The following BCAS3 variants were observed in gnomAD, a reference collection of about 807,000 sequenced individuals.
BCAS3 encodes the protein BCAS4/BCAS3 fusion.
A neutral mutation model predicts 116.1 loss-of-function variants in BCAS3; 53 were observed. The ratio of observed to expected loss-of-function variants is 0.46; its 90% CI spans 0.37 to 0.57. The LOEUF is 0.57. Ranked by LOEUF, BCAS3 falls within the 20% of genes least tolerant of loss-of-function variation. The pLI, the probability that BCAS3 is intolerant of heterozygous loss-of-function variation, is 0.00. For missense variants in BCAS3, 917 were observed against 1,165.4 expected, an observed-to-expected ratio of 0.79 and a Z score of 3.10; for synonymous variants, 391 against 408.2, an observed-to-expected ratio of 0.96 and a Z score of 0.51.
intron 12 of BCAS3, among the ~76,000 whole-genome samples, chr17:60,916,636 G>A (rs2058792683): frequency 6.6e-6 from 1 of 152,196 alleles, no homozygotes. Flanking sequence ...ATCATCTGAT[G>A]TGTGTTGACC....
At chr17:61,310,540 T>A (rs1450282574) in intron 22 of BCAS3, among the ~76,000 whole-genome samples, 3 of 136,634 alleles carry the variant, frequency 2.2e-5, no homozygotes, top group Admixed American at 7.6e-5. Context: ...GGCGACAGAG[T>A]GAGACTCTGT....
At chr17:61,071,582 T>C (rs113199339) in intron 19 of BCAS3, among the ~76,000 whole-genome samples, 1 of 152,170 alleles carries the variant, frequency 6.6e-6, no homozygotes, top group Non-Finnish European at 1.5e-5. Context: ...GAGGACCACA[T>C]TTGGAGGAAC....
At position 61,158,802 on chromosome 17, in the gene BCAS3, A is replaced by T. The variant is rs904706604; in HGVS notation, c.2425+74238A>T. ...ATTTAAAATAAAGGTCTTTAAAGATACTAACCGAAATGCAAAAATTAGCAG... is the reference window on the plus strand; with the variant it reads ...ATTTAAAATAAAGGTCTTTAAAGATTCTAACCGAAATGCAAAAATTAGCAG... On this transcript the variant is annotated intron_variant, in intron 22 of 23. Coordinates refer to ENST00000407086, the MANE Select transcript of BCAS3 (RefSeq NM_017679.5). 3.3e-5 allele frequency among the ~76,000 whole-genome samples: 5 copies of T among 152,232 alleles called. No homozygotes were observed. The East Asian group carries it at 9.6e-4, about 29-fold the overall frequency.
intron 11 of BCAS3, among the ~76,000 whole-genome samples, chr17:60,906,705 CT>C (rs1222366449): frequency 5.9e-5 from 9 of 152,220 alleles, no homozygotes; most frequent in Middle Eastern, 3.4e-3. Flanking sequence ...CCTAGTTGTT[CT>C]CATTAGTGGA....
intron 22 of BCAS3, among the ~76,000 whole-genome samples, chr17:61,273,090 G>A (rs2144638129): frequency 6.6e-6 from 1 of 151,488 alleles, no homozygotes; most frequent in South Asian, 2.1e-4. Context: ...GTCTAAAAAT[G>A]TCTGTTTTGC....
intron 14 of BCAS3, among the ~76,000 whole-genome samples, chr17:60,985,919 T>C (rs1345569447): frequency 3.3e-5 from 5 of 152,332 alleles, no homozygotes; most frequent in Middle Eastern, 3.4e-3. Flanking sequence ...GTATTTTTAG[T>C]AGAAACAGGG....
At chr17:61,242,695 C>T (rs1187991142) in intron 22 of BCAS3, among the ~76,000 whole-genome samples, 1 of 152,124 alleles carries the variant, frequency 6.6e-6, no homozygotes, top group Admixed American at 6.5e-5. Flanking sequence ...ACCAGTCAGC[C>T]TTGTTTTTGC....
chr17:60,775,040 A>C (rs961676229), intron 6 of BCAS3, among the ~76,000 whole-genome samples: 1 of 152,242 alleles, frequency 6.6e-6, no homozygotes, highest in African/African-American at 2.4e-5. Context: ...ATGTAGTAAA[A>C]GTCCTATGTG....
At position 61,365,274 on chromosome 17, in the gene BCAS3, C is replaced by T. The variant is rs1017848617; in HGVS notation, c.2426-3053C>T. 1.3e-5 allele frequency among the ~76,000 whole-genome samples: 2 copies of T among 152,174 alleles called. No homozygotes were observed. The highest frequency in any genetic ancestry group is 1.3e-4 in the Admixed American group (2 of 15,278). The stretch of plus-strand genomic sequence containing the variant: ...CATATTCCTCTGGCCTTTACCATCT[C>T]TTATGGACTGGGCCCAACATCTTAC... On this transcript the variant is annotated intron_variant, in intron 22 of 23. Coordinates refer to ENST00000407086, the MANE Select transcript of BCAS3 (RefSeq NM_017679.5). The surrounding 1 kb of genome is among the most constrained non-coding windows in gnomAD (Gnocchi z 4.6).
rs2066491493 is a variant in BCAS3, at chr17:61,029,665, G to A, written c.1638-5001G>A. On this transcript the variant is annotated intron_variant, in intron 16 of 23. Transcript: ENST00000407086. This position sits in a 1 kb window ranked among gnomAD's most constrained non-coding sequence, Gnocchi z 5.2. The stretch of plus-strand genomic sequence containing the variant: ...TGCTTATCAAAAAACATACATGACA[G>A]GTAGACAATGGGTAGTCCATATAAG... Among the ~76,000 whole-genome samples the A allele has an allele frequency of 6.6e-6, 1 of 151,782 alleles. No homozygotes were observed. Among genetic ancestry groups the A allele is most frequent in the Non-Finnish European group, 1.5e-5 (1 of 67,862 alleles).
chr17:60,968,600 C>G (rs1023948261), intron 14 of BCAS3, among the ~76,000 whole-genome samples: 4 of 152,084 alleles, frequency 2.6e-5, no homozygotes, highest in African/African-American at 9.7e-5. Flanking sequence ...ACCTAAAGCC[C>G]AGGTTCACCT....
At chr17:60,957,061 C>T (rs7210558) in intron 14 of BCAS3, among the ~76,000 whole-genome samples, 3,163 of 152,220 alleles carry the variant, frequency 0.021, 114 homozygotes, top group African/African-American at 0.07. Flanking sequence ...CCTCGTAAAG[C>T]ACATATGCAG....
At chr17:60,785,995 T>C (rs1415995668) in intron 6 of BCAS3, among the ~76,000 whole-genome samples, 3 of 152,196 alleles carry the variant, frequency 2.0e-5, no homozygotes, top group Admixed American at 2.0e-4. Context: ...CACAGGAGGA[T>C]GTGCATAGGT....
intron 15 of BCAS3, chr17:61,003,982 C>G (rs1311934805): frequency 6.6e-6 from 1 of 152,094 alleles, no homozygotes; most frequent in African/African-American, 2.4e-5. Flanking sequence ...AGAAATTCTT[C>G]TATCCTCTGT....
intron 22 of BCAS3, among the ~76,000 whole-genome samples, chr17:61,209,182 GAAA>G (rs11296492): frequency 1.4e-5 from 2 of 140,898 alleles, no homozygotes; most frequent in Non-Finnish European, 1.5e-5. Flanking sequence ...AACAGCTAGT[GAAA>G]AAAAAAAAAA....
In BCAS3 at chr17:61,032,568, A is replaced by T. The variant is rs1002214074; in HGVS notation, c.1638-2098A>T. Among the ~76,000 whole-genome samples the T allele has an allele frequency of 1.3e-5, 2 of 152,198 alleles. No individual in the cohort carries two copies. Among genetic ancestry groups the T allele is most frequent in the African/African-American group, 4.8e-5 (2 of 41,448 alleles). ...ATTCTCAGGTAATGCAACAGAGAGCATCATAACCAGAAAGAACAATTCTGA... is the reference window on the plus strand; with the variant it reads ...ATTCTCAGGTAATGCAACAGAGAGCTTCATAACCAGAAAGAACAATTCTGA... On this transcript the variant is annotated intron_variant, in intron 16 of 23. Coordinates refer to ENST00000407086, the MANE Select transcript of BCAS3 (RefSeq NM_017679.5). This position sits in a 1 kb window ranked among gnomAD's most constrained non-coding sequence, Gnocchi z 4.6.
rs566914795 is a variant in BCAS3 at position 60,892,644 on chromosome 17, G to A, written c.738+2873G>A. 6.7e-5 allele frequency among the ~76,000 whole-genome samples: 10 copies of A among 148,708 alleles called. No homozygotes were observed. In the South Asian group the frequency reaches 1.4e-3, roughly 21 times the overall value. On this transcript the variant is annotated intron_variant, in intron 10 of 23. Transcript: ENST00000407086. ...TTTTAAGAATAGCCGTTTTCGGCCCGGCATGGTGGCTCATGCCTATAATCC... is the reference window on the plus strand; with the variant it reads ...TTTTAAGAATAGCCGTTTTCGGCCCAGCATGGTGGCTCATGCCTATAATCC...
Position 61,285,363 on chromosome 17 carries a change from A to G in BCAS3, c.2426-82964A>G, listed in dbSNP as rs2051665648. Among the ~76,000 whole-genome samples, 1 of 152,170 alleles carries G rather than the reference A, an allele frequency of 6.6e-6. No individual in the cohort carries two copies. The highest frequency in any genetic ancestry group is 1.5e-5 in the Non-Finnish European group (1 of 68,034). On this transcript the variant is annotated intron_variant, in intron 22 of 23. Coordinates refer to ENST00000407086, the MANE Select transcript of BCAS3 (RefSeq NM_017679.5). The surrounding 1 kb of genome is among the most constrained non-coding windows in gnomAD (Gnocchi z 5.4). ...AAGAACTGAGTGCTGCTTCTCCAAC[A>G]TAACTTCCAGGTCTGAATACTTTGT...
Position 61,145,319 on chromosome 17 carries a change from A to G in BCAS3, c.2425+60755A>G, listed in dbSNP as rs1199745870. Among the ~76,000 whole-genome samples the G allele has an allele frequency of 6.6e-6, 1 of 152,240 alleles. No homozygotes were observed. Among genetic ancestry groups the G allele is most frequent in the Non-Finnish European group, 1.5e-5 (1 of 68,048 alleles). The stretch of plus-strand genomic sequence containing the variant: ...CTGACAGTTCACATCCTGGGGCAGC[A>G]GCGGGGTCTGGCCTGCAGAAAGGAG... On this transcript the variant is annotated intron_variant, in intron 22 of 23. Transcript: ENST00000407086. This position sits in a 1 kb window ranked among gnomAD's most constrained non-coding sequence, Gnocchi z 5.0.
Sources: allele counts gnomAD v4.1 joint callset (sites outside exome capture counted in the v4.1 genomes callset), GRCh38; gene constraint gnomAD v4.1.1; non-coding constraint Gnocchi (gnomAD v3.1); transcripts MANE v1.5; gene names NCBI Gene and HGNC (gene_info 2026-07-23, HGNC 2026-07-21).